INPP4A: variants seen among roughly 807,000 people sequenced by gnomAD.
The protein encoded by INPP4A is inositol polyphosphate-4-phosphatase, type I, 107kD.
INPP4A carries 33 observed loss-of-function variants against 119.8 expected under a neutral mutation model. That is an observed-to-expected ratio of 0.28 (90% CI 0.21 to 0.37). The LOEUF (loss-of-function observed/expected upper bound fraction) is 0.37. Ranked by LOEUF, INPP4A falls within the 10% of genes least tolerant of loss-of-function variation. The pLI is 1.00. For missense variants in INPP4A, 956 were observed against 1,289.9 expected (o/e 0.74, Z 3.97); for synonymous variants, 496 against 500.7 (o/e 0.99, Z 0.12).
At chr2:98,490,677 G>A (rs140772927) in intron 1 of INPP4A, among the ~76,000 whole-genome samples, 80 of 152,204 alleles carry the variant, frequency 5.3e-4, no homozygotes, top group South Asian at 4.1e-4. Flanking sequence ...TTGAAACTAG[G>A]ACTCCACATC....
Position 98,568,571 on chromosome 2 carries a change from G to A in INPP4A, c.2421G>A (p.Arg807=). 3 of 1,573,504 alleles carry A rather than the reference G, an allele frequency of 1.9e-6. No homozygotes were observed. The highest frequency in any genetic ancestry group is 2.6e-6 in the Non-Finnish European group (3 of 1,151,968). ...GINEQQTLAE[R]FGDTSLQEVI... ...ATGGCATCCCCTATAACCTCCCAAG[G>A]TTTGGCGATACGTCTTTACAAGAAG... The change falls in exon 22 of 25, where the codon AGG becomes AGA. Residue 807 remains arginine (R), a splice_region_variant and synonymous_variant. Transcript: ENST00000409851.
In INPP4A at chr2:98,593,393, GTC is replaced by G. The variant is rs1383054858; in HGVS notation, c.*5789_*5790del. 2.6e-5 allele frequency: 4 copies of G among 152,446 alleles called. No individual in the cohort carries two copies. Among genetic ancestry groups the G allele is most frequent in the Non-Finnish European group, 4.4e-5 (3 of 68,106 alleles). The allele number at this position is 152,446 out of a possible 1,614,324, so 9.4% of individuals were successfully genotyped here. A position where few individuals can be genotyped will look rare whatever the true frequency, so the allele number is the denominator to read the frequency against. ...CCTGACTCTCTCCTGGTGGTCCTACGTCTCTGACCATCCCTCCTCACTCTCAA... is the reference window on the plus strand; with the variant it reads ...CCTGACTCTCTCCTGGTGGTCCTACGTCTGACCATCCCTCCTCACTCTCAA... On this transcript the variant is annotated 3_prime_UTR_variant, in exon 25 of 25. Coordinates refer to ENST00000409851, the MANE Select transcript of INPP4A (RefSeq NM_001134225.2).
At chr2:98,521,785 A>C (rs1558997391) in intron 4 of INPP4A, 1 of 151,804 alleles carries the variant, frequency 6.6e-6, no homozygotes, top group African/African-American at 2.4e-5. Context: ...AAAAAAAAAA[A>C]CTTACCTGGC....
intron 23 of INPP4A, among the ~76,000 whole-genome samples, chr2:98,573,741 A>G (rs1697912691): frequency 6.6e-6 from 1 of 152,166 alleles, no homozygotes; most frequent in East Asian, 1.9e-4. Context: ...CTTCTACAGC[A>G]GCAGACCGTC....
intron 1 of INPP4A, among the ~76,000 whole-genome samples, chr2:98,455,210 C>T (rs1416848123): frequency 6.6e-6 from 1 of 152,082 alleles, no homozygotes; most frequent in East Asian, 1.9e-4. Flanking sequence ...TAGTAGTGCA[C>T]ACCTATATTC....
At chr2:98,487,937 C>G (rs1679891934) in intron 1 of INPP4A, among the ~76,000 whole-genome samples, 1 of 152,220 alleles carries the variant, frequency 6.6e-6, no homozygotes, top group Non-Finnish European at 1.5e-5. Context: ...GAATTACCTT[C>G]CTGTGGCAGT....
intron 24 of INPP4A, 98 bp downstream of exon 24, chr2:98,577,241 A>G: frequency 1.5e-6 from 2 of 1,295,194 alleles, no homozygotes; most frequent in African/African-American, 1.5e-5. Context: ...CCTACCCTGC[A>G]TGAGCCCCTT....
In INPP4A at chr2:98,554,081, A is replaced by G. The variant is rs1440143825; in HGVS notation, c.1348-190A>G. Among the ~76,000 whole-genome samples the G allele has an allele frequency of 6.6e-6, 1 of 152,256 alleles. No individual in the cohort carries two copies. The highest frequency in any genetic ancestry group is 2.4e-5 in the African/African-American group (1 of 41,470). ...GAAATTCTTGTTAAGATTCAGCCCA[A>G]GTGGGCCACATGGCAGTCTTTGTAC... On this transcript the variant is annotated intron_variant, in intron 14 of 24. Coordinates refer to ENST00000409851, the MANE Select transcript of INPP4A (RefSeq NM_001134225.2). This position sits in a 1 kb window ranked among gnomAD's most constrained non-coding sequence, Gnocchi z 4.7.
At chr2:98,530,306 T>C (rs1688974682) in intron 4 of INPP4A, among the ~76,000 whole-genome samples, 1 of 151,958 alleles carries the variant, frequency 6.6e-6, no homozygotes, top group Non-Finnish European at 1.5e-5. Flanking sequence ...GGGCTTACAG[T>C]GGTTCCCAAG....
chr2:98,536,275 G>A, intron 7 of INPP4A, 67 bp downstream of exon 7: 1 of 968,376 alleles, frequency 1.0e-6, no homozygotes, highest in Non-Finnish European at 1.6e-6. Flanking sequence ...GATGGGGAAA[G>A]GACCCACTTC....
chr2:98,494,025 A>G (rs752215011), intron 1 of INPP4A, among the ~76,000 whole-genome samples: 1 of 152,240 alleles, frequency 6.6e-6, no homozygotes, highest in African/African-American at 2.4e-5. Context: ...TTATTCAAGA[A>G]AATCTGCTAG....
intron 24 of INPP4A, among the ~76,000 whole-genome samples, chr2:98,587,129 T>C (rs540624908): frequency 3.9e-5 from 6 of 152,364 alleles, no homozygotes; most frequent in African/African-American, 1.4e-4. Context: ...CTTCATTTGC[T>C]ATGTGAGGGA....
Position 98,535,844 on chromosome 2 carries a change from C to T in INPP4A, c.386C>T (p.Thr129Ile). ...VYDVKDRSQG[T>I]MYLLGSGTFI... ...GATGTCAAAGATAGATCTCAGGGAA[C>T]AGTTAAGTAATGTGTTGTAGTTCGT... The change falls in exon 6 of 25, where the codon ACA (threonine) becomes ATA (isoleucine). Residue 129 changes from threonine (T) to isoleucine (I), a missense_variant and splice_region_variant. Physicochemically the swap from Thr to Ile is moderately conservative, Grantham distance 89 (BLOSUM62 -1). Transcript: ENST00000409851. 7.0e-7 allele frequency: 1 copy of T among 1,420,350 alleles called. No individual in the cohort carries two copies. The highest frequency in any genetic ancestry group is 9.9e-7 in the Non-Finnish European group (1 of 1,013,872). 88.0% of individuals were successfully genotyped at this position (1,420,350 alleles called of 1,614,324 possible).
intron 1 of INPP4A, among the ~76,000 whole-genome samples, chr2:98,493,508 A>C (rs571256898): frequency 7.0e-6 from 1 of 143,536 alleles, no homozygotes. Context: ...AGATCCACTC[A>C]CTTCAGCCTC....
At chr2:98,559,317 A>T in intron 16 of INPP4A, 146 bp from the exon 17 acceptor site, 1 of 826,084 alleles carries the variant, frequency 1.2e-6, no homozygotes, top group South Asian at 1.5e-5. Context: ...CTTGGGGAAG[A>T]GGCAGCCAGG....
intron 24 of INPP4A, chr2:98,581,923 G>A: frequency 8.9e-7 from 1 of 1,120,592 alleles, no homozygotes; most frequent in Non-Finnish European, 1.2e-6. Flanking sequence ...GTAAATATCT[G>A]CCAAATTATT....
intron 1 of INPP4A, among the ~76,000 whole-genome samples, chr2:98,500,256 G>T (rs374777130): frequency 6.6e-5 from 10 of 152,126 alleles, no homozygotes; most frequent in Admixed American, 3.3e-4. Flanking sequence ...ATGACATGGG[G>T]TGTGAGCTGA....
intron 16 of INPP4A, among the ~76,000 whole-genome samples, chr2:98,558,553 C>T (rs997653016): frequency 2.0e-5 from 3 of 152,150 alleles, no homozygotes; most frequent in African/African-American, 7.2e-5. Context: ...ATCCTTTGCC[C>T]CTTCTTTACA....
Position 98,569,810 on chromosome 2 carries a change from G to A in INPP4A, c.2518+1142G>A, listed in dbSNP as rs1397184341. 1 of 152,370 alleles carries A rather than the reference G, an allele frequency of 6.6e-6. No homozygotes were observed. Among genetic ancestry groups the A allele is most frequent in the African/African-American group, 2.4e-5 (1 of 41,440 alleles). The allele number at this position is 152,370 out of a possible 1,614,324, so 9.4% of individuals were successfully genotyped here. On this transcript the variant is annotated intron_variant, in intron 22 of 24. Coordinates refer to ENST00000409851, the MANE Select transcript of INPP4A (RefSeq NM_001134225.2). The surrounding 1 kb of genome is among the most constrained non-coding windows in gnomAD (Gnocchi z 5.1). Reference sequence around the variant, plus strand: ...CGTGGCTTCAGCAGGGAAGCAGTGGGAAAAAAGACGCCTCTTCACAGGTTC... The same window carrying A: ...CGTGGCTTCAGCAGGGAAGCAGTGGAAAAAAAGACGCCTCTTCACAGGTTC...
Sources: gnomAD v4.1 joint callset for allele counts (sites outside exome capture counted in the v4.1 genomes callset) on GRCh38, gnomAD v4.1.1 for gene constraint, Gnocchi (gnomAD v3.1) non-coding constraint, MANE v1.5 for transcripts, NCBI Gene and HGNC (gene_info 2026-07-23, HGNC 2026-07-21) for gene names.